GAB2: variants seen among roughly 807,000 people sequenced by gnomAD.
The protein encoded by GAB2 is GRB2 associated binding protein 2.
In GAB2, 26 loss-of-function variants were observed where a neutral mutation model predicts 65.5. That is an observed-to-expected ratio of 0.40 (90% CI 0.29 to 0.55). GAB2 has a LOEUF of 0.55. GAB2 is among the 20% of genes least tolerant of loss of function. The pLI, the probability that GAB2 is intolerant of heterozygous loss-of-function variation, is 0.53. For missense variants in GAB2, 884 were observed against 875.8 expected (o/e 1.01, Z -0.12); for synonymous variants, 321 against 329.6 (o/e 0.97, Z 0.28).
At chr11:78,352,094 T>C (rs1856287374) in intron 1 of GAB2, among the ~76,000 whole-genome samples, 2 of 152,108 alleles carry the variant, frequency 1.3e-5, no homozygotes, top group African/African-American at 4.8e-5. Context: ...GCACCTTTAA[T>C]CCCAGATACT....
intron 1 of GAB2, among the ~76,000 whole-genome samples, chr11:78,300,897 G>A (rs1867000352): frequency 6.6e-6 from 1 of 151,960 alleles, no homozygotes; most frequent in Admixed American, 6.6e-5. Flanking sequence ...GTTTCACCAT[G>A]TTGCCCAGGC....
chr11:78,385,245 G>C (rs979416191), intron 1 of GAB2, among the ~76,000 whole-genome samples: 2 of 152,190 alleles, frequency 1.3e-5, no homozygotes, highest in African/African-American at 4.8e-5. Flanking sequence ...TTGTAAACAA[G>C]AGCTTCCAAA....
intron 2 of GAB2, among the ~76,000 whole-genome samples, chr11:78,251,225 G>A (rs1865446512): frequency 6.6e-6 from 1 of 152,104 alleles, no homozygotes; most frequent in East Asian, 1.9e-4. Flanking sequence ...GCTCTGGACT[G>A]TGCCTTACTG....
Position 78,262,662 on chromosome 11 carries a change from C to T in GAB2, c.377-12262G>A, listed in dbSNP as rs922974418. On this transcript the variant is annotated intron_variant, in intron 2 of 9. Coordinates refer to ENST00000361507, the MANE Select transcript of GAB2 (RefSeq NM_080491.3). ...TCCCAATAATCTCCTGGTTTCACATCTGTAGTTTCCCTACTCATCTCCCAG... is the reference window on the plus strand; with the variant it reads ...TCCCAATAATCTCCTGGTTTCACATTTGTAGTTTCCCTACTCATCTCCCAG... Among the ~76,000 whole-genome samples, 11 of 152,326 alleles carry T rather than the reference C, an allele frequency of 7.2e-5. No individual in the cohort carries two copies. The South Asian group carries it at 1.5e-3, about 20-fold the overall frequency.
At chr11:78,303,244 G>C (rs1351489068) in intron 1 of GAB2, among the ~76,000 whole-genome samples, 2 of 151,968 alleles carry the variant, frequency 1.3e-5, no homozygotes, top group Admixed American at 1.3e-4. Context: ...GTCTTATCTA[G>C]GAAATCTTTG....
chr11:78,261,055 A>ATATG (rs1235820789), intron 2 of GAB2, among the ~76,000 whole-genome samples: 2 of 146,564 alleles, frequency 1.4e-5, no homozygotes, highest in African/African-American at 2.7e-5. Context: ...CTGTCTCTAT[A>ATATG]TATGTATGTA....
At chr11:78,380,669 A>T (rs918861323) in intron 1 of GAB2, among the ~76,000 whole-genome samples, 1 of 152,208 alleles carries the variant, frequency 6.6e-6, no homozygotes, top group African/African-American at 2.4e-5. Context: ...TAAATAATTC[A>T]AACTGAAAGC....
At chr11:78,403,622 A>T (rs980806100) in intron 1 of GAB2, among the ~76,000 whole-genome samples, 2 of 152,236 alleles carry the variant, frequency 1.3e-5, no homozygotes, top group African/African-American at 4.8e-5. Flanking sequence ...GAGACCTGAA[A>T]CTATAAAACT....
At chr11:78,413,754 G>A (rs1857158260) in intron 1 of GAB2, among the ~76,000 whole-genome samples, 2 of 152,246 alleles carry the variant, frequency 1.3e-5, no homozygotes, top group East Asian at 1.9e-4. Flanking sequence ...TCAGATAGAA[G>A]TGGCACTTCA....
At chr11:78,411,306 C>G (rs951994964) in intron 1 of GAB2, among the ~76,000 whole-genome samples, 13 of 152,130 alleles carry the variant, frequency 8.5e-5, no homozygotes, top group African/African-American at 2.7e-4. Context: ...TAATGCACTT[C>G]CTATTAAAAT....
At chr11:78,343,304 A>G (rs982413633) in intron 1 of GAB2, among the ~76,000 whole-genome samples, 2 of 151,624 alleles carry the variant, frequency 1.3e-5, no homozygotes, top group Non-Finnish European at 2.9e-5. Flanking sequence ...GATAGACTGA[A>G]AATTCATTTT....
intron 1 of GAB2, among the ~76,000 whole-genome samples, chr11:78,398,652 A>C (rs1856932962): frequency 6.6e-6 from 1 of 152,244 alleles, no homozygotes; most frequent in Admixed American, 6.5e-5. Flanking sequence ...AAATAAAGTG[A>C]TAACTGATGT....
intron 1 of GAB2, among the ~76,000 whole-genome samples, chr11:78,341,546 G>C (rs902720366): frequency 5.3e-5 from 8 of 152,146 alleles, no homozygotes; most frequent in Non-Finnish European, 1.2e-4. Context: ...TAATGATCCT[G>C]CACTAGGGTC....
At chr11:78,254,211 G>A (rs1865533785) in intron 2 of GAB2, among the ~76,000 whole-genome samples, 1 of 152,158 alleles carries the variant, frequency 6.6e-6, no homozygotes, top group African/African-American at 2.4e-5. Context: ...GAATGTCATA[G>A]GTACATGGAA....
intron 1 of GAB2, among the ~76,000 whole-genome samples, chr11:78,379,892 T>C (rs921423993): frequency 1.3e-5 from 2 of 152,220 alleles, no homozygotes; most frequent in African/African-American, 2.4e-5. Flanking sequence ...GTCAGTAACC[T>C]GAAAGAAAAA....
At chr11:78,303,020 A>G (rs1485694638) in intron 1 of GAB2, among the ~76,000 whole-genome samples, 1 of 152,218 alleles carries the variant, frequency 6.6e-6, no homozygotes, top group Non-Finnish European at 1.5e-5. Flanking sequence ...AGAAAGAATG[A>G]TGCAATGAAT....
intron 1 of GAB2, among the ~76,000 whole-genome samples, chr11:78,301,274 A>G (rs966783655): frequency 1.9e-4 from 29 of 150,496 alleles, no homozygotes; most frequent in African/African-American, 6.7e-4. Context: ...TTAAATTATT[A>G]TTTTTAATTG....
intron 1 of GAB2, among the ~76,000 whole-genome samples, chr11:78,398,704 C>T (rs1856933670): frequency 6.6e-6 from 1 of 152,156 alleles, no homozygotes; most frequent in African/African-American, 2.4e-5. Flanking sequence ...GCCAAAATAA[C>T]AGCAATAGCA....
chr11:78,379,494 A>G (rs1856671438), intron 1 of GAB2, among the ~76,000 whole-genome samples: 1 of 152,212 alleles, frequency 6.6e-6, no homozygotes, highest in African/African-American at 2.4e-5. Flanking sequence ...GTTTTCTCAC[A>G]CAGTTGACCG....
Sources: allele counts gnomAD v4.1 joint callset (sites outside exome capture counted in the v4.1 genomes callset), GRCh38; gene constraint gnomAD v4.1.1; transcripts MANE v1.5; gene names NCBI Gene and HGNC (gene_info 2026-07-23, HGNC 2026-07-21).